The following MBD5 variants were observed in gnomAD, a reference collection of about 807,000 sequenced individuals.
The protein encoded by MBD5 is methyl-CpG binding domain protein 5.
In MBD5, 13 loss-of-function variants were observed where a neutral mutation model predicts 117.3. The observed-to-expected ratio is 0.11, with a 90% CI of 0.07 to 0.18. The LOEUF is 0.18. Ranked by LOEUF, MBD5 falls within the 10% of genes least tolerant of loss-of-function variation. MBD5 has a pLI of 1.00. For missense variants in MBD5, 1,879 were observed against 2,093.8 expected (o/e 0.90, Z 2.00); for synonymous variants, 727 against 766.4 (o/e 0.95, Z 0.85).
At chr2:148,462,737 T>C (rs1707130288) in intron 6 of MBD5, 53 bp downstream of exon 6, 1 of 1,200,876 alleles carries the variant, frequency 8.3e-7, no homozygotes. Context: ...AGGTATTTTG[T>C]ATATTTGTTT....
chr2:148,429,265 A>G (rs1268476445), intron 4 of MBD5, among the ~76,000 whole-genome samples: 1 of 152,224 alleles, frequency 6.6e-6, no homozygotes, highest in African/African-American at 2.4e-5. Context: ...ATCACTGGTC[A>G]TTAGAGAAAT....
intron 3 of MBD5, among the ~76,000 whole-genome samples, chr2:148,273,387 G>A (rs1039367335): frequency 6.6e-6 from 1 of 152,076 alleles, no homozygotes; most frequent in Non-Finnish European, 1.5e-5. Context: ...CATGTAGCTG[G>A]AGGTCACAAG....
At chr2:148,455,011 G>A (rs999491854) in intron 4 of MBD5, among the ~76,000 whole-genome samples, 1 of 152,030 alleles carries the variant, frequency 6.6e-6, no homozygotes, top group African/African-American at 2.4e-5. Flanking sequence ...CCATTTGTTT[G>A]TATCCTCGCC....
At chr2:148,398,581 A>T (rs1704812047) in intron 4 of MBD5, among the ~76,000 whole-genome samples, 2 of 152,162 alleles carry the variant, frequency 1.3e-5, no homozygotes, top group Admixed American at 1.3e-4. Context: ...GATTGCAAAA[A>T]GTTTCTCCCA....
intron 3 of MBD5, among the ~76,000 whole-genome samples, chr2:148,340,422 A>G (rs1220348547): frequency 6.6e-6 from 1 of 152,176 alleles, no homozygotes; most frequent in African/African-American, 2.4e-5. Flanking sequence ...GATATCATGT[A>G]AAAGGAAATT....
At chr2:148,360,059 A>G (rs1189177268) in intron 4 of MBD5, among the ~76,000 whole-genome samples, 1 of 152,218 alleles carries the variant, frequency 6.6e-6, no homozygotes, top group Non-Finnish European at 1.5e-5. Context: ...ATAAAATTAT[A>G]GCAAAGATCA....
At chr2:148,363,711 A>G (rs1262023522) in intron 4 of MBD5, among the ~76,000 whole-genome samples, 1 of 152,174 alleles carries the variant, frequency 6.6e-6, no homozygotes, top group African/African-American at 2.4e-5. Flanking sequence ...ACAAGTATCA[A>G]TAGCTGAATC....
intron 1 of MBD5, among the ~76,000 whole-genome samples, chr2:148,106,510 C>T (rs1420914311): frequency 3.3e-5 from 5 of 151,762 alleles, no homozygotes; most frequent in Non-Finnish European, 7.4e-5. Flanking sequence ...TCCAACCTGA[C>T]AATTTTTATT....
chr2:148,404,120 A>C (rs1490518901), intron 4 of MBD5, among the ~76,000 whole-genome samples: 3 of 136,370 alleles, frequency 2.2e-5, no homozygotes, highest in East Asian at 2.5e-4. Flanking sequence ...GGCTGCTAGC[A>C]TTATGGGTTT....
intron 4 of MBD5, among the ~76,000 whole-genome samples, chr2:148,401,254 A>G (rs760062255): frequency 3.9e-5 from 6 of 152,148 alleles, no homozygotes; most frequent in Non-Finnish European, 8.8e-5. Flanking sequence ...GTGTAAAACT[A>G]TCTGCTCATT....
chr2:148,268,264 A>G (rs932093477), intron 3 of MBD5, among the ~76,000 whole-genome samples: 4 of 151,630 alleles, frequency 2.6e-5, no homozygotes, highest in South Asian at 2.1e-4. Flanking sequence ...TTCCTTTTGT[A>G]TAGCCTGGTC....
At chr2:148,271,467 T>A (rs1228943471) in intron 3 of MBD5, among the ~76,000 whole-genome samples, 2 of 152,216 alleles carry the variant, frequency 1.3e-5, no homozygotes, top group African/African-American at 4.8e-5. Context: ...GTTTTCGTGC[T>A]CTCCTTGAGT....
intron 2 of MBD5, among the ~76,000 whole-genome samples, chr2:148,223,277 T>G (rs2106084592): frequency 6.6e-6 from 1 of 152,264 alleles, no homozygotes; most frequent in South Asian, 2.1e-4. Context: ...AATACTGGGC[T>G]CATAGAATGA....
chr2:148,359,420 A>C (rs1218703998), intron 4 of MBD5, among the ~76,000 whole-genome samples: 2 of 152,176 alleles, frequency 1.3e-5, no homozygotes, highest in Non-Finnish European at 2.9e-5. Context: ...CCATTTTTAA[A>C]CCGCTTCTAG....
At chr2:148,236,819 G>A (rs538590558) in intron 3 of MBD5, among the ~76,000 whole-genome samples, 210 of 152,250 alleles carry the variant, frequency 1.4e-3, no homozygotes, top group Non-Finnish European at 2.5e-3. Flanking sequence ...AAAATCCCAG[G>A]TGGCATCTTC....
Position 148,137,494 on chromosome 2 carries a change from C to T in MBD5, c.-924-41206C>T, listed in dbSNP as rs115467425. Among the ~76,000 whole-genome samples, 1,388 of 152,296 alleles carry T rather than the reference C, an allele frequency of 9.1e-3. 14 individuals are homozygous for T. Among genetic ancestry groups the T allele is most frequent in the African/African-American group, 0.031 (1,289 of 41,562 alleles). Reference sequence around the variant, plus strand: ...TTACCCATCTGGCCAGGCCTCTTGGCTCACACCTGTAATCCAGCACTTTGG... The same window carrying T: ...TTACCCATCTGGCCAGGCCTCTTGGTTCACACCTGTAATCCAGCACTTTGG... On this transcript the variant is annotated intron_variant, in intron 1 of 13. Coordinates refer to ENST00000642680, the MANE Select transcript of MBD5 (RefSeq NM_001378120.1).
At chr2:148,179,888 G>T (rs1204264153) in intron 2 of MBD5, among the ~76,000 whole-genome samples, 1 of 151,986 alleles carries the variant, frequency 6.6e-6, no homozygotes, top group Non-Finnish European at 1.5e-5. Context: ...ATTCTCAGTA[G>T]TTTTTTTAAA....
intron 1 of MBD5, among the ~76,000 whole-genome samples, chr2:148,112,493 G>A (rs751558885): frequency 4.6e-5 from 7 of 152,082 alleles, no homozygotes; most frequent in Non-Finnish European, 1.0e-4. Flanking sequence ...CAAAACGAAC[G>A]TCTTTATGAA....
At chr2:148,232,631 C>G (rs140639327) in intron 2 of MBD5, among the ~76,000 whole-genome samples, 1 of 138,268 alleles carries the variant, frequency 7.2e-6, no homozygotes, top group Non-Finnish European at 1.5e-5. Flanking sequence ...GCATGCAATA[C>G]CATATCTGAC....
Sources: gnomAD v4.1 joint callset for allele counts (sites outside exome capture counted in the v4.1 genomes callset) on GRCh38, gnomAD v4.1.1 for gene constraint, MANE v1.5 for transcripts, NCBI Gene and HGNC (gene_info 2026-07-23, HGNC 2026-07-21) for gene names.